Variants in KCNQ1 observed in about 807,000 individuals in gnomAD.
The protein encoded by KCNQ1 is potassium voltage-gated channel subfamily Q member 1, also known as potassium voltage-gated channel subfamily KQT member 1.
A neutral mutation model predicts 72.4 loss-of-function variants in KCNQ1; 49 were observed. The ratio of observed to expected loss-of-function variants is 0.68; its 90% CI spans 0.54 to 0.86. The LOEUF is 0.86. KCNQ1 is among the 40% of genes least tolerant of loss of function. The pLI is 0.00. For missense variants in KCNQ1, 790 were observed against 945.1 expected (o/e 0.84, Z 2.15); for synonymous variants, 450 against 412.6 (o/e 1.09, Z -1.10).
In KCNQ1 at chr11:2,690,105, G is replaced by A. The variant is rs553906406; in HGVS notation, c.1514+28024G>A. ...GCACAGCAGGGACAATCGCTCTTCC[G>A]GGGTTAGAACTGGGGGAGCAGGGAC... On this transcript the variant is annotated intron_variant, in intron 11 of 15. Coordinates refer to ENST00000155840, the MANE Select transcript of KCNQ1 (RefSeq NM_000218.3). The surrounding 1 kb of genome is among the most constrained non-coding windows in gnomAD (Gnocchi z 5.1). 586 of 398,932 alleles carry A rather than the reference G, an allele frequency of 1.5e-3. 1 individual carries two copies. Among genetic ancestry groups the A allele is most frequent in the Non-Finnish European group, 2.1e-3 (470 of 226,314 alleles). 24.7% of individuals were successfully genotyped at this position (398,932 alleles called of 1,614,324 possible). A position where few individuals can be genotyped will look rare whatever the true frequency, so the allele number is the denominator to read the frequency against.
rs956692788 is a variant in KCNQ1, at chr11:2,766,986, A to G, written c.1515-1858A>G. Among the ~76,000 whole-genome samples the G allele has an allele frequency of 1.1e-4, 16 of 152,246 alleles. No individual in the cohort carries two copies. Among genetic ancestry groups the G allele is most frequent in the Admixed American group, 2.0e-4 (3 of 15,290 alleles). On this transcript the variant is annotated intron_variant, in intron 11 of 15. Transcript: ENST00000155840. This position sits in a 1 kb window ranked among gnomAD's most constrained non-coding sequence, Gnocchi z 4.4. ...GAGGTCAAGAGATCAACACCATCCT[A>G]GCCAACATGATCAAACCCTGTCTCT...
chr11:2,575,122 C>A (rs1211426216), intron 6 of KCNQ1, among the ~76,000 whole-genome samples: 1 of 152,182 alleles, frequency 6.6e-6, no homozygotes, highest in Admixed American at 6.5e-5. Flanking sequence ...GCCTGCCTTC[C>A]CAGCCGCCCA....
Position 2,654,097 on chromosome 11 carries a change from C to T in KCNQ1, c.1394-7864C>T, listed in dbSNP as rs1339831327. ...TTCCATCCATGTCCCTTACTTCTCG[C>T]CTCTGAGTGGAGACACAGGTGGTGG... On this transcript the variant is annotated intron_variant, in intron 10 of 15. Transcript: ENST00000155840. The surrounding 1 kb of genome is among the most constrained non-coding windows in gnomAD (Gnocchi z 6.4). 3 of 398,666 alleles carry T rather than the reference C, an allele frequency of 7.5e-6. No homozygotes were observed. Among genetic ancestry groups the T allele is most frequent in the African/African-American group, 4.1e-5 (2 of 48,658 alleles). The allele number at this position is 398,666 out of a possible 1,614,324, so 24.7% of individuals were successfully genotyped here.
At chr11:2,672,870 C>A in intron 11 of KCNQ1, 1 of 398,760 alleles carries the variant, frequency 2.5e-6, no homozygotes, top group Non-Finnish European at 4.4e-6. Flanking sequence ...CATACCCTAG[C>A]CACCTGACTG....
At chr11:2,641,422 A>T (rs1199848379) in intron 10 of KCNQ1, 4 of 397,590 alleles carry the variant, frequency 1.0e-5, no homozygotes, top group African/African-American at 8.3e-5. Context: ...CCTGTTGGCT[A>T]CTTGTATGTT....
chr11:2,539,048 G>C (rs1847780690), intron 2 of KCNQ1, among the ~76,000 whole-genome samples: 1 of 152,180 alleles, frequency 6.6e-6, no homozygotes. Flanking sequence ...CTTCAAGGGA[G>C]GCGGTCTCAG....
In KCNQ1 at chr11:2,642,519, T is replaced by G. The variant is rs1036478177; in HGVS notation, c.1394-19442T>G. The G allele has an allele frequency of 4.0e-5, 16 of 397,892 alleles. No individual in the cohort carries two copies. Among genetic ancestry groups the G allele is most frequent in the Non-Finnish European group, 5.3e-5 (12 of 225,694 alleles). The allele number at this position is 397,892 out of a possible 1,614,324, so 24.6% of individuals were successfully genotyped here. A position where few individuals can be genotyped will look rare whatever the true frequency, so the allele number is the denominator to read the frequency against. On this transcript the variant is annotated intron_variant, in intron 10 of 15. Transcript: ENST00000155840. This position sits in a 1 kb window ranked among gnomAD's most constrained non-coding sequence, Gnocchi z 4.3. ...GTATTTCATGGTATGAGTTGTAATA[T>G]CCCCTTTTTCATTTTTGATTTTATT...
intron 15 of KCNQ1, 123 bp from the exon 16 acceptor site, chr11:2,847,644 A>C: frequency 5.8e-6 from 5 of 868,352 alleles, no homozygotes; most frequent in Non-Finnish European, 7.4e-6. Flanking sequence ...GCCTGCATAC[A>C]GCATGCACTT....
rs113808693 is a variant in KCNQ1, at chr11:2,541,362, C to T, written c.477+13344C>T. ...GTGGGGAACCTGGGGGAAGGGCGGG[C>T]GTCTTTATTTCATTTTAGCTTTCTT... On this transcript the variant is annotated intron_variant, in intron 2 of 15. Transcript: ENST00000155840. This position sits in a 1 kb window ranked among gnomAD's most constrained non-coding sequence, Gnocchi z 4.8. Among the ~76,000 whole-genome samples, 80 of 152,266 alleles carry T rather than the reference C, an allele frequency of 5.3e-4. No individual in the cohort carries two copies. In the South Asian group the frequency reaches 0.011, roughly 20 times the overall value.
chr11:2,540,792 G>A (rs1185453416), intron 2 of KCNQ1, among the ~76,000 whole-genome samples: 2 of 152,238 alleles, frequency 1.3e-5, no homozygotes, highest in Non-Finnish European at 2.9e-5. Flanking sequence ...GGGACTTGCT[G>A]TGAGGGGACT....
rs1850986884 is a variant in KCNQ1 at position 2,710,628 on chromosome 11, T to C, written c.1514+48547T>C. Among the ~76,000 whole-genome samples the C allele has an allele frequency of 6.6e-6, 1 of 152,214 alleles. No individual in the cohort carries two copies. Among genetic ancestry groups the C allele is most frequent in the African/African-American group, 2.4e-5 (1 of 41,458 alleles). Reference sequence around the variant, plus strand: ...AGTTTTGGCTCTTACACTTAGGTCTTTCATCCGCTTTCAGTTAGTTTAACA... The same window carrying C: ...AGTTTTGGCTCTTACACTTAGGTCTCTCATCCGCTTTCAGTTAGTTTAACA... On this transcript the variant is annotated intron_variant, in intron 11 of 15. Transcript: ENST00000155840. This position sits in a 1 kb window ranked among gnomAD's most constrained non-coding sequence, Gnocchi z 4.1.
chr11:2,796,332 C>T (rs1847127758), intron 15 of KCNQ1, among the ~76,000 whole-genome samples: 1 of 152,200 alleles, frequency 6.6e-6, no homozygotes, highest in African/African-American at 2.4e-5. Context: ...GCCAAGGCGG[C>T]CACGTCAGTT....
chr11:2,667,359 A>AG, intron 11 of KCNQ1: 1 of 398,774 alleles, frequency 2.5e-6, no homozygotes, highest in South Asian at 1.3e-4. Flanking sequence ...TGCAAGGGAA[A>AG]GGCCATCCAA....
rs1310873082 is a variant in KCNQ1 at position 2,687,597 on chromosome 11, G to A, written c.1514+25516G>A. ...TGTCAAGGAGGTGTGACTGAGAAAG[G>A]AAGGGGCAGAGATCCCTTCTCCATT... On this transcript the variant is annotated intron_variant, in intron 11 of 15. Transcript: ENST00000155840. The surrounding 1 kb of genome is among the most constrained non-coding windows in gnomAD (Gnocchi z 5.0). The A allele has an allele frequency of 2.5e-6, 1 of 398,608 alleles. No homozygotes were observed. Among genetic ancestry groups the A allele is most frequent in the Admixed American group, 4.4e-5 (1 of 22,716 alleles). The allele number at this position is 398,608 out of a possible 1,614,324, so 24.7% of individuals were successfully genotyped here. A position where few individuals can be genotyped will look rare whatever the true frequency, so the allele number is the denominator to read the frequency against.
At position 2,464,534 on chromosome 11, in the gene KCNQ1, TC is replaced by T. The variant is rs1846324588; in HGVS notation, c.386+19053del. Among the ~76,000 whole-genome samples the T allele has an allele frequency of 6.6e-6, 1 of 150,694 alleles. No individual in the cohort carries two copies. The highest frequency in any genetic ancestry group is 1.5e-5 in the Non-Finnish European group (1 of 67,664). ...GTCCTGGGTCCACATGGTGCTAGGG[TC>T]CCATGGGCTCCTGGCCCCTGGCTGC... is the stretch of plus-strand genomic sequence containing the variant. On this transcript the variant is annotated intron_variant, in intron 1 of 15. Transcript: ENST00000155840. This position sits in a 1 kb window ranked among gnomAD's most constrained non-coding sequence, Gnocchi z 5.0.
intron 15 of KCNQ1, among the ~76,000 whole-genome samples, chr11:2,806,849 T>A (rs2134033493): frequency 6.6e-6 from 1 of 152,066 alleles, no homozygotes; most frequent in Middle Eastern, 3.4e-3. Context: ...CTGGCTTGCG[T>A]GCTGGCTCCG....
Position 2,703,740 on chromosome 11 carries a change from C to G in KCNQ1, c.1514+41659C>G, listed in dbSNP as rs1295568723. On this transcript the variant is annotated intron_variant, in intron 11 of 15. Transcript: ENST00000155840. The surrounding 1 kb of genome is among the most constrained non-coding windows in gnomAD (Gnocchi z 6.4). ...AAGAACTGCTGTGGGAGCCCCTCAC[C>G]CAAGCAGCAGGATGTGTGGCAGGCC... Among the ~76,000 whole-genome samples the G allele has an allele frequency of 6.6e-6, 1 of 152,168 alleles. No individual in the cohort carries two copies. Among genetic ancestry groups the G allele is most frequent in the Non-Finnish European group, 1.5e-5 (1 of 68,018 alleles).
chr11:2,489,902 T>C (rs1846806488), intron 1 of KCNQ1, among the ~76,000 whole-genome samples: 1 of 152,100 alleles, frequency 6.6e-6, no homozygotes, highest in South Asian at 2.1e-4. Flanking sequence ...TTGAATGAGA[T>C]TCTGAAATAT....
At chr11:2,665,162 G>C (rs943365581) in intron 11 of KCNQ1, 1 of 398,718 alleles carries the variant, frequency 2.5e-6, no homozygotes, top group Non-Finnish European at 4.4e-6. Flanking sequence ...CCCTCAACCA[G>C]CTCTGGGCGG....
Sources: gnomAD v4.1 joint callset for allele counts (sites outside exome capture counted in the v4.1 genomes callset) on GRCh38, gnomAD v4.1.1 for gene constraint, Gnocchi (gnomAD v3.1) non-coding constraint, MANE v1.5 for transcripts, NCBI Gene and HGNC (gene_info 2026-07-23, HGNC 2026-07-21) for gene names.